Variants in DLGAP2 observed in about 807,000 individuals in gnomAD.
DLGAP2 encodes DLG associated protein 2.
DLGAP2 carries 26 observed loss-of-function variants against 100.3 expected under a neutral mutation model. That is an observed-to-expected ratio of 0.26 (90% CI 0.19 to 0.36). DLGAP2 has a LOEUF of 0.36. DLGAP2 is among the 10% of genes least tolerant of loss of function. The pLI is 1.00. For synonymous variants in DLGAP2, 886 were observed against 630.1 expected (o/e 1.41, Z -6.08); for missense variants, 1,858 against 1,453.2 (o/e 1.28, Z -4.53).
At chr8:1,658,003 T>C (rs943869022) in intron 8 of DLGAP2, among the ~76,000 whole-genome samples, 10 of 152,156 alleles carry the variant, frequency 6.6e-5, no homozygotes, top group African/African-American at 1.9e-4. Flanking sequence ...AGTCTCCCGT[T>C]TGCAGCAGAA....
chr8:1,489,392 G>A (rs904348979), intron 3 of DLGAP2, among the ~76,000 whole-genome samples: 15 of 152,276 alleles, frequency 9.9e-5, no homozygotes, highest in South Asian at 6.2e-4. Flanking sequence ...TTTCTAGATC[G>A]CAGTGGTGCC....
At chr8:1,439,983 G>A (rs766809493) in intron 3 of DLGAP2, among the ~76,000 whole-genome samples, 1 of 152,084 alleles carries the variant, frequency 6.6e-6, no homozygotes, top group Non-Finnish European at 1.5e-5. Context: ...TGATGTGCAA[G>A]TCACCAGAGC....
At chr8:1,451,635 G>A (rs561616210) in intron 3 of DLGAP2, among the ~76,000 whole-genome samples, 1 of 151,902 alleles carries the variant, frequency 6.6e-6, no homozygotes, top group Non-Finnish European at 1.5e-5. Flanking sequence ...CTCTGTTGCC[G>A]GCTCCTCTTC....
chr8:1,374,036 G>A (rs1301399767), intron 3 of DLGAP2, among the ~76,000 whole-genome samples: 1 of 151,822 alleles, frequency 6.6e-6, no homozygotes, highest in African/African-American at 2.4e-5. Context: ...TTTGCAGAGG[G>A]CTGTGTGGTG....
chr8:1,366,215 C>G (rs1422598912), intron 3 of DLGAP2, among the ~76,000 whole-genome samples: 1 of 152,216 alleles, frequency 6.6e-6, no homozygotes, highest in Non-Finnish European at 1.5e-5. Flanking sequence ...GCTTTCTGTA[C>G]TGTCAATATT....
In DLGAP2 at chr8:1,708,312, A is replaced by T. The variant is rs141256954; in HGVS notation, c.*6906A>T. 14 of 152,312 alleles carry T rather than the reference A, an allele frequency of 9.2e-5. No homozygotes were observed. The highest frequency in any genetic ancestry group is 4.1e-4 in the South Asian group (2 of 4,822). The allele number at this position is 152,312 out of a possible 1,614,324, so 9.4% of individuals were successfully genotyped here. On this transcript the variant is annotated 3_prime_UTR_variant, in exon 15 of 15. Transcript: ENST00000637795. ...AGACCAAAGAGTTTTATCCGAAAAA[A>T]AATTACACTCTTCCTCCATTATATA...
intron 2 of DLGAP2, chr8:1,137,401 G>A (rs972139129): frequency 3.9e-5 from 6 of 152,612 alleles, no homozygotes; most frequent in African/African-American, 1.4e-4. Context: ...AAGCTGCCCC[G>A]AGCTGATGTC....
chr8:1,144,063 C>T (rs1439195509), intron 2 of DLGAP2, among the ~76,000 whole-genome samples: 2 of 152,224 alleles, frequency 1.3e-5, no homozygotes, highest in African/African-American at 4.8e-5. Flanking sequence ...CGCTTGTTTC[C>T]TCCATTGCAT....
At chr8:1,068,902 CTG>C (rs1803341132) in intron 2 of DLGAP2, among the ~76,000 whole-genome samples, 1 of 152,156 alleles carries the variant, frequency 6.6e-6, no homozygotes, top group South Asian at 2.1e-4. Context: ...AAAAGGGAAT[CTG>C]TGAACCTGGG....
chr8:1,528,456 C>G (rs1326772528), intron 4 of DLGAP2, among the ~76,000 whole-genome samples: 1 of 152,258 alleles, frequency 6.6e-6, no homozygotes, highest in African/African-American at 2.4e-5. Context: ...GATCTCACAT[C>G]TATGAAAACT....
chr8:927,600 G>A (rs1414672378), intron 2 of DLGAP2, among the ~76,000 whole-genome samples: 1 of 152,178 alleles, frequency 6.6e-6, no homozygotes, highest in Non-Finnish European at 1.5e-5. Context: ...TAACAATTCT[G>A]TTCTTAACAG....
intron 3 of DLGAP2, chr8:1,381,186 C>T (rs1385500790): frequency 6.6e-6 from 1 of 152,034 alleles, no homozygotes; most frequent in East Asian, 1.9e-4. Flanking sequence ...AGGTGCTTCC[C>T]CAGGATGTCC....
chr8:1,582,662 T>A (rs1422233386), intron 6 of DLGAP2, among the ~76,000 whole-genome samples: 2 of 152,154 alleles, frequency 1.3e-5, no homozygotes, highest in African/African-American at 4.8e-5. Flanking sequence ...CAGTCTCAGC[T>A]CACTGCAACC....
In DLGAP2 at chr8:1,120,569, C is replaced by G. The variant is rs1025463824; in HGVS notation, c.74-138282C>G. Reference sequence around the variant, plus strand: ...CCCTCAGAACCGATGACCACCCATCCTTGTCCATTAGGACCCATGACCACC... The same window carrying G: ...CCCTCAGAACCGATGACCACCCATCGTTGTCCATTAGGACCCATGACCACC... On this transcript the variant is annotated intron_variant, in intron 2 of 14. Transcript: ENST00000637795. Among the ~76,000 whole-genome samples, 15 of 152,164 alleles carry G rather than the reference C, an allele frequency of 9.9e-5. No individual in the cohort carries two copies. The East Asian group carries it at 2.3e-3, about 24-fold the overall frequency.
chr8:965,718 C>CA (rs1350701206), intron 2 of DLGAP2, among the ~76,000 whole-genome samples: 7 of 132,722 alleles, frequency 5.3e-5, no homozygotes, highest in Non-Finnish European at 1.0e-4. Flanking sequence ...CCAACCCCCG[C>CA]GTGCACACGG....
intron 1 of DLGAP2, among the ~76,000 whole-genome samples, chr8:844,702 T>C (rs767275949): frequency 6.6e-6 from 1 of 152,244 alleles, no homozygotes; most frequent in Non-Finnish European, 1.5e-5. Context: ...GTACAGTAAA[T>C]GTTATCTTTT....
chr8:1,309,095 G>C (rs183354023), intron 3 of DLGAP2, among the ~76,000 whole-genome samples: 3 of 152,258 alleles, frequency 2.0e-5, no homozygotes, highest in East Asian at 1.9e-4. Flanking sequence ...GCCGAAACTT[G>C]AGGGTCTGTG....
intron 4 of DLGAP2, among the ~76,000 whole-genome samples, chr8:1,508,062 A>G (rs73672752): frequency 0.084 from 12,745 of 151,790 alleles, 1,511 homozygotes; most frequent in African/African-American, 0.26. Flanking sequence ...TCACCAGGGC[A>G]CACTGCATTT....
At chr8:1,342,086 G>A (rs1381374898) in intron 3 of DLGAP2, among the ~76,000 whole-genome samples, 3 of 152,010 alleles carry the variant, frequency 2.0e-5, no homozygotes, top group African/African-American at 7.3e-5. Context: ...AGGTAGCTGG[G>A]GCAACAGGCA....
Sources: allele counts gnomAD v4.1 joint callset (sites outside exome capture counted in the v4.1 genomes callset), GRCh38; gene constraint gnomAD v4.1.1; transcripts MANE v1.5; gene names NCBI Gene and HGNC (gene_info 2026-07-23, HGNC 2026-07-21).